The following CCDC91 variants were observed in gnomAD, a reference collection of about 807,000 sequenced individuals.
CCDC91 encodes coiled-coil domain-containing protein 91.
CCDC91 carries 48 observed loss-of-function variants against 63.2 expected under a neutral mutation model. The ratio of observed to expected loss-of-function variants is 0.76; its 90% CI spans 0.60 to 0.97. CCDC91 has a LOEUF of 0.97. Among genes scored for constraint, CCDC91 ranks in the 50% least tolerant of loss-of-function variants. The probability of loss-of-function intolerance (pLI) is 0.00; values close to 1 mark genes in which losing one functional copy is unlikely to be tolerated. For synonymous variants in CCDC91, 167 were observed against 165.8 expected (o/e 1.01, Z -0.06); for missense variants, 500 against 494.6 (o/e 1.01, Z -0.10).
At chr12:28,506,207 G>A (rs75853127) in intron 12 of CCDC91, among the ~76,000 whole-genome samples, 2,487 of 152,076 alleles carry the variant, frequency 0.016, 71 homozygotes, top group African/African-American at 0.056. Context: ...GTTATCAGAG[G>A]CATGATAGGA....
At chr12:28,220,034 CT>C (rs1943833215) in intron 1 of CCDC91, among the ~76,000 whole-genome samples, 1 of 152,022 alleles carries the variant, frequency 6.6e-6, no homozygotes, top group Non-Finnish European at 1.5e-5. Flanking sequence ...ACAGTTGGGT[CT>C]TGCTTTATCA....
At chr12:28,395,541 C>G (rs1349830072) in intron 8 of CCDC91, among the ~76,000 whole-genome samples, 1 of 152,068 alleles carries the variant, frequency 6.6e-6, no homozygotes, top group African/African-American at 2.4e-5. Context: ...ATTTTACTTA[C>G]GTTTCTTGGT....
At chr12:28,285,035 A>C (rs149091534) in intron 3 of CCDC91, among the ~76,000 whole-genome samples, 25 of 152,364 alleles carry the variant, frequency 1.6e-4, no homozygotes, top group Non-Finnish European at 2.8e-4. Context: ...TTTAGGAATC[A>C]GAAAATGTCC....
At chr12:28,510,477 T>TC (rs2141270354) in intron 12 of CCDC91, among the ~76,000 whole-genome samples, 1 of 151,990 alleles carries the variant, frequency 6.6e-6, no homozygotes, top group African/African-American at 2.4e-5. Context: ...CCAGAAAAGA[T>TC]CAGTGTCAGA....
At chr12:28,200,478 T>C (rs200476307) in intron 1 of CCDC91, among the ~76,000 whole-genome samples, 7,789 of 145,110 alleles carry the variant, frequency 0.054, 440 homozygotes, top group East Asian at 0.2. Context: ...TAGGGAGTGG[T>C]GATGACTCTT....
chr12:28,398,249 T>G (rs1486917351), intron 8 of CCDC91, among the ~76,000 whole-genome samples: 1 of 152,150 alleles, frequency 6.6e-6, no homozygotes, highest in Non-Finnish European at 1.5e-5. Context: ...TGTTTCATTT[T>G]TTCTGTTATT....
intron 8 of CCDC91, among the ~76,000 whole-genome samples, chr12:28,405,308 A>G (rs1946867249): frequency 6.6e-6 from 1 of 152,102 alleles, no homozygotes. Context: ...AAAGTATTCC[A>G]AGTTTTTTTA....
At chr12:28,398,115 C>T (rs938481524) in intron 8 of CCDC91, among the ~76,000 whole-genome samples, 1 of 152,078 alleles carries the variant, frequency 6.6e-6, no homozygotes, top group African/African-American at 2.4e-5. Flanking sequence ...ATATATCTAT[C>T]ATCAACAATC....
chr12:28,429,098 G>A (rs1948492973), intron 8 of CCDC91, among the ~76,000 whole-genome samples: 1 of 152,110 alleles, frequency 6.6e-6, no homozygotes, highest in African/African-American at 2.4e-5. Context: ...TGTCCAGCAG[G>A]AAATCGTGCA....
chr12:28,417,640 T>TATATATATAC lies in CCDC91; in HGVS notation c.762+26230_762+26231insTATATATACA, dbSNP rs57507827. On this transcript the variant is annotated intron_variant, in intron 8 of 12. Transcript: ENST00000536442. ...TTTGAGATATATATATATATATATA[T>TATATATATAC]ACACACACACACACATTGTTAAATG... Among the ~76,000 whole-genome samples the TATATATATAC allele has an allele frequency of 6.6e-3, 743 of 112,112 alleles. 2 individuals carry two copies. Among genetic ancestry groups the TATATATATAC allele is most frequent in the South Asian group, 0.013 (50 of 3,800 alleles). 73.5% of individuals were successfully genotyped at this position (112,112 alleles called of 152,430 possible).
chr12:28,310,779 G>C (rs1473118209), intron 6 of CCDC91, among the ~76,000 whole-genome samples: 1 of 151,730 alleles, frequency 6.6e-6, no homozygotes, highest in African/African-American at 2.4e-5. Context: ...TTTCCATTTG[G>C]TTCTCCTTCA....
chr12:28,427,077 A>G (rs1212406145), intron 8 of CCDC91, among the ~76,000 whole-genome samples: 1 of 152,050 alleles, frequency 6.6e-6, no homozygotes, highest in Non-Finnish European at 1.5e-5. Flanking sequence ...CAGCTCTTTC[A>G]GCTATTATTT....
At chr12:28,349,955 T>C (rs1482073150) in intron 6 of CCDC91, among the ~76,000 whole-genome samples, 2 of 152,202 alleles carry the variant, frequency 1.3e-5, no homozygotes, top group African/African-American at 2.4e-5. Flanking sequence ...TACCTACTCT[T>C]CCAGAGTACT....
chr12:28,275,036 A>C (rs1592172244), intron 3 of CCDC91, among the ~76,000 whole-genome samples: 1 of 152,266 alleles, frequency 6.6e-6, no homozygotes, highest in East Asian at 1.9e-4. Flanking sequence ...TAAAATTGAC[A>C]CCCTAACATC....
At chr12:28,310,573 A>G (rs768347404) in intron 6 of CCDC91, among the ~76,000 whole-genome samples, 2 of 151,988 alleles carry the variant, frequency 1.3e-5, no homozygotes, top group Non-Finnish European at 2.9e-5. Context: ...AGTGTTAAAC[A>G]CCTTGGCTAA....
intron 8 of CCDC91, among the ~76,000 whole-genome samples, chr12:28,408,207 TC>T (rs1947090019): frequency 6.6e-6 from 1 of 152,128 alleles, no homozygotes; most frequent in Non-Finnish European, 1.5e-5. Context: ...ATTGTTCAAC[TC>T]CCATTTATGG....
intron 11 of CCDC91, among the ~76,000 whole-genome samples, chr12:28,470,496 A>G (rs1001591505): frequency 1.1e-4 from 16 of 152,254 alleles, no homozygotes; most frequent in Non-Finnish European, 2.9e-5. Flanking sequence ...GGGAATGTAA[A>G]TTAGTACAGC....
At chr12:28,262,700 A>C (rs1041401064) in intron 3 of CCDC91, among the ~76,000 whole-genome samples, 1 of 152,026 alleles carries the variant, frequency 6.6e-6, no homozygotes, top group Admixed American at 6.6e-5. Flanking sequence ...TGCTTTATAC[A>C]AAGTATTATC....
At chr12:28,509,770 G>A (rs1939165543) in intron 12 of CCDC91, among the ~76,000 whole-genome samples, 1 of 151,866 alleles carries the variant, frequency 6.6e-6, no homozygotes, top group Non-Finnish European at 1.5e-5. Context: ...AGAGAGTGGG[G>A]AGAAGAAGGA....
Sources: allele counts gnomAD v4.1 joint callset (sites outside exome capture counted in the v4.1 genomes callset), GRCh38; gene constraint gnomAD v4.1.1; transcripts MANE v1.5; gene names NCBI Gene and HGNC (gene_info 2026-07-23, HGNC 2026-07-21).